IGFL2: variants seen among roughly 807,000 people sequenced by gnomAD.
The protein encoded by IGFL2 is IGF like family member 2.
Under a neutral mutation model 13.9 loss-of-function variants are expected in IGFL2, and 7 were observed. That is an observed-to-expected ratio of 0.51 (90% CI 0.29 to 0.95). The LOEUF is 0.95. IGFL2 is among the 40% of genes least tolerant of loss of function. IGFL2 has a pLI of 0.08. For synonymous variants in IGFL2, 55 were observed against 55.8 expected, an observed-to-expected ratio of 0.99 and a Z score of 0.07; for missense variants, 138 against 147.8, an observed-to-expected ratio of 0.93 and a Z score of 0.34.
chr19:46,148,913 C>T, intron 1 of IGFL2: 1 of 1,551,770 alleles, frequency 6.4e-7, no homozygotes, highest in Non-Finnish European at 8.7e-7. Flanking sequence ...ATCATCCTGC[C>T]CTCGAACCAG....
the IGFL2 span, chr19:46,203,380 C>T: frequency 6.5e-6 from 1 of 153,092 alleles, no homozygotes; most frequent in South Asian, 2.0e-4. Flanking sequence ...GGCTCAGAGG[C>T]CTGACACCAG....
the IGFL2 span, chr19:46,124,731 G>T: frequency 2.5e-6 from 3 of 1,192,954 alleles, no homozygotes; most frequent in Admixed American, 5.1e-5. Context: ...GGGGTTGTCT[G>T]TTAACCTGGT....
chr19:46,112,890 C>CA, the IGFL2 span: 3 of 152,144 alleles, frequency 2.0e-5, no homozygotes, highest in African/African-American at 7.2e-5. Context: ...AGCTGCTGCT[C>CA]AGAGTGGAAA....
chr19:46,197,732 A>C, the IGFL2 span, among the ~76,000 whole-genome samples: 1 of 151,848 alleles, frequency 6.6e-6, no homozygotes, highest in South Asian at 2.1e-4. Flanking sequence ...GGGTTTCAGC[A>C]TGTTGTTCAG....
At chr19:46,110,128 C>T in the IGFL2 span, among the ~76,000 whole-genome samples, 9 of 152,194 alleles carry the variant, frequency 5.9e-5, no homozygotes, top group African/African-American at 9.6e-5. Context: ...TAACAGCCAT[C>T]GGGGCCACAT....
chr19:46,106,723 C>A, the IGFL2 span, among the ~76,000 whole-genome samples: 20 of 152,172 alleles, frequency 1.3e-4, no homozygotes, highest in African/African-American at 4.8e-4. Context: ...AGTTTGTAGG[C>A]TTTAAGAGGC....
downstream of IGFL2, among the ~76,000 whole-genome samples, chr19:46,165,202 GAC>G (rs371273831): frequency 9.2e-5 from 14 of 152,190 alleles, no homozygotes; most frequent in African/African-American, 3.1e-4. Flanking sequence ...TTGTAAATTT[GAC>G]GTAGCCAGTT....
chr19:46,131,897 C>G, the IGFL2 span, among the ~76,000 whole-genome samples: 4 of 152,218 alleles, frequency 2.6e-5, no homozygotes, highest in African/African-American at 7.2e-5. Context: ...CAATATTATG[C>G]TACTGCACTC....
the IGFL2 span, among the ~76,000 whole-genome samples, chr19:46,132,338 A>C: frequency 6.6e-6 from 1 of 152,248 alleles, no homozygotes; most frequent in Non-Finnish European, 1.5e-5. Flanking sequence ...TCTCCTTTTT[A>C]CAAGAGGCCA....
upstream of IGFL2, among the ~76,000 whole-genome samples, chr19:46,144,267 T>C (rs1973002963): frequency 6.6e-6 from 1 of 152,238 alleles, no homozygotes; most frequent in East Asian, 1.9e-4. Context: ...ATTTCATATA[T>C]TTTAAATGTG....
the IGFL2 span, chr19:46,196,218 C>T: frequency 4.3e-6 from 1 of 234,048 alleles, no homozygotes; most frequent in Non-Finnish European, 8.8e-6. Context: ...CACTCACTCC[C>T]CTCCAGCCAC....
At chr19:46,159,143 GGAGT>G (rs1388165416) in intron 1 of IGFL2, 1 of 152,146 alleles carries the variant, frequency 6.6e-6, no homozygotes, top group Non-Finnish European at 1.5e-5. Context: ...GTTCTCTTTT[GGAGT>G]TTATGGTGCC....
chr19:46,172,729 T>TA, the IGFL2 span, among the ~76,000 whole-genome samples: 95 of 151,648 alleles, frequency 6.3e-4, no homozygotes, highest in African/African-American at 1.4e-3. Context: ...ATATATATAT[T>TA]TTTTTTCAGA....
upstream of IGFL2, among the ~76,000 whole-genome samples, chr19:46,139,959 T>C (rs147914549): frequency 1.3e-5 from 2 of 151,952 alleles, no homozygotes; most frequent in Admixed American, 6.5e-5. Flanking sequence ...CACACACATA[T>C]ATATTTTGAG....
the IGFL2 span, among the ~76,000 whole-genome samples, chr19:46,190,683 C>A: frequency 1.3e-5 from 2 of 152,318 alleles, no homozygotes; most frequent in South Asian, 4.1e-4. Flanking sequence ...TTTATCACGC[C>A]CCCTGGTAAT....
chr19:46,183,905 C>T, the IGFL2 span, among the ~76,000 whole-genome samples: 1 of 152,096 alleles, frequency 6.6e-6, no homozygotes, highest in African/African-American at 2.4e-5. Context: ...CCATCACTCC[C>T]ATGCTTCTCT....
the IGFL2 span, among the ~76,000 whole-genome samples, chr19:46,187,462 G>A: frequency 0.014 from 2,054 of 144,840 alleles, 78 homozygotes; most frequent in African/African-American, 0.052. Context: ...CCTGATCAGA[G>A]ACGGTAAGCA....
At chr19:46,089,590 A>G in the IGFL2 span, among the ~76,000 whole-genome samples, 1 of 150,776 alleles carries the variant, frequency 6.6e-6, no homozygotes, top group Admixed American at 6.6e-5. Context: ...TGTCTGAGCA[A>G]GTCTTATCTC....
the IGFL2 span, among the ~76,000 whole-genome samples, chr19:46,133,776 CTTATT>C: frequency 3.9e-5 from 6 of 152,208 alleles, no homozygotes; most frequent in Non-Finnish European, 5.9e-5. Flanking sequence ...GGAACCTCTA[CTTATT>C]TTATTTTCTA....
Sources: gnomAD v4.1 joint callset for allele counts (sites outside exome capture counted in the v4.1 genomes callset) on GRCh38, gnomAD v4.1.1 for gene constraint, MANE v1.5 for transcripts, NCBI Gene and HGNC (gene_info 2026-07-23, HGNC 2026-07-21) for gene names.